Variants in PCBP3 observed in about 807,000 individuals in gnomAD.
PCBP3 encodes poly(rC) binding protein 3.
A neutral mutation model predicts 52.7 loss-of-function variants in PCBP3; 25 were observed. That is an observed-to-expected ratio of 0.47 (90% confidence interval 0.35 to 0.66). The LOEUF is 0.66. Ranked by LOEUF, PCBP3 falls within the 30% of genes least tolerant of loss-of-function variation. The probability of loss-of-function intolerance (pLI) is 0.01; values close to 1 mark genes in which losing one functional copy is unlikely to be tolerated. For missense variants in PCBP3, 391 were observed against 490.3 expected, an observed-to-expected ratio of 0.80 and a Z score of 1.91; for synonymous variants, 162 against 183.0, an observed-to-expected ratio of 0.89 and a Z score of 0.93.
intron 3 of PCBP3, among the ~76,000 whole-genome samples, chr21:45,747,373 A>G (rs1327408928): frequency 6.6e-6 from 1 of 152,216 alleles, no homozygotes; most frequent in East Asian, 1.9e-4. Context: ...AGCCATATCA[A>G]TTGCAAAGCC....
At position 45,917,559 on chromosome 21, in the gene PCBP3, A is replaced by C; in HGVS notation, c.676-29A>C. 1 of 1,603,922 alleles carries C rather than the reference A, an allele frequency of 6.2e-7. No homozygotes were observed. Among genetic ancestry groups the C allele is most frequent in the Non-Finnish European group, 8.5e-7 (1 of 1,171,904 alleles). On this transcript the variant is annotated intron_variant, in intron 12 of 17. Transcript: ENST00000681687. This position sits in a 1 kb window ranked among gnomAD's most constrained non-coding sequence, Gnocchi z 5.3. Reference sequence around the variant, plus strand: ...CTGAGCCGTGGTGCAGCCAGGTTGCAGTCTGACGGGGTCTCTCTCTCTCTC... The same window carrying C: ...CTGAGCCGTGGTGCAGCCAGGTTGCCGTCTGACGGGGTCTCTCTCTCTCTC...
rs934076944 is a variant in PCBP3 at position 45,805,074 on chromosome 21, C to G, written c.-125-44887C>G. Among the ~76,000 whole-genome samples the G allele has an allele frequency of 2.6e-5, 4 of 152,164 alleles. No individual in the cohort carries two copies. Among genetic ancestry groups the G allele is most frequent in the African/African-American group, 9.7e-5 (4 of 41,446 alleles). The stretch of plus-strand genomic sequence containing the variant: ...TGGCACAGCCCTGCTGTGGGGAGAG[C>G]CGTGCAGCCCCAGGCCGTGTGTGGG... On this transcript the variant is annotated intron_variant, in intron 4 of 17. Transcript: ENST00000681687. The surrounding 1 kb of genome is among the most constrained non-coding windows in gnomAD (Gnocchi z 4.6).
At chr21:45,728,730 C>T (rs964757499) in intron 2 of PCBP3, 1 of 152,046 alleles carries the variant, frequency 6.6e-6, no homozygotes, top group African/African-American at 2.4e-5. Flanking sequence ...AAGGTTTTAT[C>T]TTGAATGCAG....
At chr21:45,901,407 G>C in intron 9 of PCBP3, 1 of 367,732 alleles carries the variant, frequency 2.7e-6, no homozygotes. Flanking sequence ...CACGGCCTCA[G>C]AACACCCCAC....
chr21:45,710,884 A>G (rs1298956167), intron 2 of PCBP3, among the ~76,000 whole-genome samples: 4 of 152,226 alleles, frequency 2.6e-5, no homozygotes, highest in Non-Finnish European at 4.4e-5. Context: ...TCTTGGGTTT[A>G]TAGTTCCATG....
Position 45,724,577 on chromosome 21 carries a change from T to G in PCBP3, c.-199-10815T>G, listed in dbSNP as rs2084893103. Among the ~76,000 whole-genome samples, 1 of 152,138 alleles carries G rather than the reference T, an allele frequency of 6.6e-6. No individual in the cohort carries two copies. The highest frequency in any genetic ancestry group is 2.1e-4 in the South Asian group (1 of 4,820). ...CCAGGCTGCTCTGTAACACGAACAT[T>G]AAAACTGATTTGAGGTGTTAGCGGT... On this transcript the variant is annotated intron_variant, in intron 2 of 17. Coordinates refer to ENST00000681687, the MANE Select transcript of PCBP3 (RefSeq NM_001384156.1). This position sits in a 1 kb window ranked among gnomAD's most constrained non-coding sequence, Gnocchi z 5.3.
chr21:45,801,796 G>C (rs1178746715), intron 4 of PCBP3, among the ~76,000 whole-genome samples: 4 of 152,224 alleles, frequency 2.6e-5, no homozygotes, highest in Admixed American at 2.6e-4. Flanking sequence ...GCAAGTATTT[G>C]GCTTGTGCAT....
chr21:45,841,072 C>T (rs1198917154), intron 4 of PCBP3, among the ~76,000 whole-genome samples: 1 of 152,178 alleles, frequency 6.6e-6, no homozygotes, highest in Non-Finnish European at 1.5e-5. Flanking sequence ...ATAGGCTATA[C>T]CATCTAGCCT....
chr21:45,778,283 C>G (rs1027828018), intron 4 of PCBP3, among the ~76,000 whole-genome samples: 2 of 152,088 alleles, frequency 1.3e-5, no homozygotes, highest in African/African-American at 4.8e-5. Context: ...GCCAGGTGAG[C>G]CAGACTTAAG....
intron 2 of PCBP3, among the ~76,000 whole-genome samples, chr21:45,696,010 C>T (rs1353158720): frequency 1.5e-4 from 18 of 123,630 alleles, no homozygotes; most frequent in African/African-American, 3.1e-5. Flanking sequence ...ACCCAGGAGG[C>T]GGAGGTTGCA....
At chr21:45,907,971 T>A (rs947108883) in intron 9 of PCBP3, among the ~76,000 whole-genome samples, 1 of 152,192 alleles carries the variant, frequency 6.6e-6, no homozygotes, top group Admixed American at 6.5e-5. Flanking sequence ...AGCCAAAGAA[T>A]GTTTTAGTGA....
chr21:45,914,362 T>A (rs2075908), intron 12 of PCBP3: 205,741 of 498,646 alleles, frequency 0.41, 45,900 homozygotes, highest in African/African-American at 0.73. Context: ...TGATTTTACG[T>A]CTCACGTTGG....
intron 1 of PCBP3, among the ~76,000 whole-genome samples, chr21:45,663,815 T>C (rs1253422350): frequency 6.6e-6 from 1 of 152,154 alleles, no homozygotes; most frequent in East Asian, 1.9e-4. Context: ...ATGTGATGCC[T>C]CTAGCCTTGT....
In PCBP3 at chr21:45,837,574, T is replaced by C. The variant is rs951936108; in HGVS notation, c.-125-12387T>C. 3.3e-5 allele frequency among the ~76,000 whole-genome samples: 5 copies of C among 152,028 alleles called. No homozygotes were observed. The East Asian group carries it at 9.6e-4, about 29-fold the overall frequency. On this transcript the variant is annotated intron_variant, in intron 4 of 17. Coordinates refer to ENST00000681687, the MANE Select transcript of PCBP3 (RefSeq NM_001384156.1). The surrounding 1 kb of genome is among the most constrained non-coding windows in gnomAD (Gnocchi z 4.1). ...CCCTGGGTTGTCTGCCTCTTGGGGG[T>C]AGCGGCTGTGTGGAATGCCTGCGTT...
intron 16 of PCBP3, among the ~76,000 whole-genome samples, chr21:45,937,287 G>A (rs1158155316): frequency 1.3e-5 from 2 of 152,216 alleles, no homozygotes; most frequent in Non-Finnish European, 2.9e-5. Context: ...CAGTCCAGGG[G>A]CCCCAGCCCT....
At chr21:45,882,457 G>GT (rs944298898) in intron 5 of PCBP3, among the ~76,000 whole-genome samples, 28 of 151,960 alleles carry the variant, frequency 1.8e-4, no homozygotes, top group African/African-American at 5.5e-4. Context: ...ATGGTTTGCA[G>GT]TTTTTTTTCC....
intron 5 of PCBP3, among the ~76,000 whole-genome samples, chr21:45,854,612 G>A (rs569941536): frequency 2.2e-4 from 33 of 152,346 alleles, no homozygotes; most frequent in African/African-American, 6.7e-4. Context: ...AAAGCTGACC[G>A]ATATCCTGTT....
At chr21:45,705,587 G>A (rs2083398487) in intron 2 of PCBP3, among the ~76,000 whole-genome samples, 1 of 152,184 alleles carries the variant, frequency 6.6e-6, no homozygotes. Flanking sequence ...CTGTGAATTG[G>A]CAGGGAAAGT....
chr21:45,693,172 A>G (rs2082580802), intron 2 of PCBP3, among the ~76,000 whole-genome samples: 1 of 152,136 alleles, frequency 6.6e-6, no homozygotes, highest in South Asian at 2.1e-4. Context: ...ACCTACAGCT[A>G]ACTTCATACT....
Sources: allele counts gnomAD v4.1 joint callset (sites outside exome capture counted in the v4.1 genomes callset), GRCh38; gene constraint gnomAD v4.1.1; non-coding constraint Gnocchi (gnomAD v3.1); transcripts MANE v1.5; gene names NCBI Gene and HGNC (gene_info 2026-07-23, HGNC 2026-07-21).